The following CCDC7 variants were observed in gnomAD, a reference collection of about 807,000 sequenced individuals.
The protein encoded by CCDC7 is coiled-coil domain containing 7.
CCDC7 carries 183 observed loss-of-function variants against 196.9 expected under a neutral mutation model. The ratio of observed to expected loss-of-function variants is 0.93; its 90% CI spans 0.82 to 1.05. CCDC7 has a LOEUF of 1.05. Ranked by LOEUF, CCDC7 falls within the 50% of genes least tolerant of loss-of-function variation. The pLI is 0.00. For missense variants in CCDC7, 1,540 were observed against 1,482.2 expected, an observed-to-expected ratio of 1.04 and a Z score of -0.64; for synonymous variants, 525 against 484.6, an observed-to-expected ratio of 1.08 and a Z score of -1.10.
At chr10:32,609,975 C>A (rs1490628420) in intron 18 of CCDC7, among the ~76,000 whole-genome samples, 5 of 151,336 alleles carry the variant, frequency 3.3e-5, no homozygotes, top group African/African-American at 1.2e-4. Context: ...GTTTCATGTC[C>A]TGGGTGAGAT....
intron 15 of CCDC7, among the ~76,000 whole-genome samples, chr10:32,568,153 T>C (rs1343800697): frequency 1.3e-5 from 2 of 151,800 alleles, no homozygotes; most frequent in East Asian, 3.9e-4. Context: ...ATTACAGGCA[T>C]GCGCCACCAT....
chr10:32,730,494 A>T (rs908167997), intron 28 of CCDC7, among the ~76,000 whole-genome samples: 2 of 152,016 alleles, frequency 1.3e-5, no homozygotes, highest in Non-Finnish European at 2.9e-5. Context: ...ATAAGAAAAA[A>T]TAAGGAAAAA....
At chr10:32,721,359 G>A (rs528645859) in intron 25 of CCDC7, among the ~76,000 whole-genome samples, 4 of 152,042 alleles carry the variant, frequency 2.6e-5, no homozygotes, top group South Asian at 2.1e-4. Flanking sequence ...TCTTTCTGCC[G>A]TAGGCTCTAA....
chr10:32,592,196 G>A (rs1294425555), intron 18 of CCDC7, among the ~76,000 whole-genome samples: 3 of 151,824 alleles, frequency 2.0e-5, no homozygotes, highest in Non-Finnish European at 2.9e-5. Flanking sequence ...AAATTATAAT[G>A]TTTCTTTTTC....
intron 29 of CCDC7, among the ~76,000 whole-genome samples, chr10:32,781,464 GTT>G (rs1483328489): frequency 6.6e-6 from 1 of 152,100 alleles, no homozygotes; most frequent in Non-Finnish European, 1.5e-5. Flanking sequence ...GAATTTATGA[GTT>G]TTATTTCTCA....
At chr10:32,543,451 C>A in intron 12 of CCDC7, 66 bp downstream of exon 13, 1 of 1,182,696 alleles carries the variant, frequency 8.5e-7, no homozygotes, top group Non-Finnish European at 1.1e-6. Flanking sequence ...TTTATACAAA[C>A]AATTTAAAGT....
At chr10:32,762,418 C>T (rs10827125) in intron 28 of CCDC7, among the ~76,000 whole-genome samples, 20,885 of 151,380 alleles carry the variant, frequency 0.14, 1,742 homozygotes, top group East Asian at 0.25. Context: ...TACCCAGAGT[C>T]ACATAGATTC....
intron 25 of CCDC7, among the ~76,000 whole-genome samples, chr10:32,713,759 GC>G (rs749604478): frequency 1.3e-5 from 2 of 152,142 alleles, no homozygotes; most frequent in Non-Finnish European, 2.9e-5. Context: ...CCTGGATTGA[GC>G]AGCAGAGGGC....
At chr10:32,503,831 A>G (rs186205492) in intron 9 of CCDC7, among the ~76,000 whole-genome samples, 28 of 151,730 alleles carry the variant, frequency 1.8e-4, no homozygotes, top group Non-Finnish European at 2.9e-4. Flanking sequence ...CAGATTTTCT[A>G]TTTCTTCAGT....
intron 2 of CCDC7, 22 bp from the exon 4 acceptor site, chr10:32,456,229 G>A: frequency 6.7e-7 from 1 of 1,493,168 alleles, no homozygotes; most frequent in Non-Finnish European, 9.0e-7. Flanking sequence ...GTAACTTTAT[G>A]TTTTATTATT....
intron 24 of CCDC7, among the ~76,000 whole-genome samples, chr10:32,702,483 G>A (rs1168854919): frequency 1.3e-5 from 2 of 152,176 alleles, no homozygotes. Context: ...ATGCTGAGAA[G>A]AATGTATATT....
chr10:32,659,383 G>T (rs73259407), intron 20 of CCDC7, among the ~76,000 whole-genome samples: 8,077 of 152,124 alleles, frequency 0.053, 713 homozygotes, highest in African/African-American at 0.18. Flanking sequence ...TACCATTGTG[G>T]TAAGAAAAGA....
At chr10:32,801,514 A>G (rs2084785289) in intron 29 of CCDC7, among the ~76,000 whole-genome samples, 1 of 152,176 alleles carries the variant, frequency 6.6e-6, no homozygotes, top group Non-Finnish European at 1.5e-5. Context: ...CCATTATCCT[A>G]CACCCTTAAT....
intron 18 of CCDC7, among the ~76,000 whole-genome samples, chr10:32,600,737 C>T (rs2060910837): frequency 6.6e-6 from 1 of 152,122 alleles, no homozygotes; most frequent in Non-Finnish European, 1.5e-5. Flanking sequence ...TTAAATAATG[C>T]AGGAAGTAAA....
chr10:32,713,476 A>G (rs1254779467), intron 25 of CCDC7, among the ~76,000 whole-genome samples: 1 of 152,250 alleles, frequency 6.6e-6, no homozygotes, highest in East Asian at 1.9e-4. Context: ...TAAAAGTAGG[A>G]AGGGTCTGTA....
chr10:32,471,857 G>T (rs2038020957), intron 6 of CCDC7, among the ~76,000 whole-genome samples: 1 of 152,058 alleles, frequency 6.6e-6, no homozygotes. Flanking sequence ...TTGGCTCCTG[G>T]GGGTTGCATA....
chr10:32,844,845 T>C (rs1186391817), intron 33 of CCDC7, among the ~76,000 whole-genome samples: 1 of 151,770 alleles, frequency 6.6e-6, no homozygotes, highest in Non-Finnish European at 1.5e-5. Context: ...GTGACTCTTC[T>C]ACTATAATAA....
intron 20 of CCDC7, among the ~76,000 whole-genome samples, chr10:32,640,192 C>G (rs2066468519): frequency 6.6e-6 from 1 of 152,142 alleles, no homozygotes; most frequent in South Asian, 2.1e-4. Context: ...CTTTCTAGGT[C>G]TCTAAGGACT....
At chr10:32,711,214 G>GTA (rs751269373) in intron 24 of CCDC7, among the ~76,000 whole-genome samples, 53 of 151,294 alleles carry the variant, frequency 3.5e-4, no homozygotes, top group Non-Finnish European at 5.6e-4. Context: ...GTGTGTGTGT[G>GTA]TATATATATA....
Sources: gnomAD v4.1 joint callset for allele counts (sites outside exome capture counted in the v4.1 genomes callset) on GRCh38, gnomAD v4.1.1 for gene constraint, MANE v1.5 for transcripts, NCBI Gene and HGNC (gene_info 2026-07-23, HGNC 2026-07-21) for gene names.